Variants in GRIK2 observed in about 807,000 individuals in gnomAD.
GRIK2 encodes the protein glutamate ionotropic receptor kainate type subunit 2.
GRIK2 carries 32 observed loss-of-function variants against 100.3 expected under a neutral mutation model. The ratio of observed to expected loss-of-function variants is 0.32; its 90% CI spans 0.24 to 0.43. The LOEUF (loss-of-function observed/expected upper bound fraction) is 0.43, where lower values mean the gene tolerates loss of function less well. Ranked by LOEUF, GRIK2 falls within the 20% of genes least tolerant of loss-of-function variation. GRIK2 has a pLI of 1.00. For synonymous variants in GRIK2, 417 were observed against 389.4 expected (o/e 1.07, Z -0.83); for missense variants, 843 against 1,114.9 (o/e 0.76, Z 3.47).
chr6:102,008,588 G>A (rs1364599728), intron 14 of GRIK2, among the ~76,000 whole-genome samples: 2 of 152,050 alleles, frequency 1.3e-5, no homozygotes, highest in African/African-American at 4.8e-5. Context: ...AATTCTAGAA[G>A]GAATTTTGCC....
chr6:101,519,432 G>A lies in GRIK2; in HGVS notation c.116-102517G>A, dbSNP rs1297868231. Among the ~76,000 whole-genome samples, 6 of 151,534 alleles carry A rather than the reference G, an allele frequency of 4.0e-5. No individual in the cohort carries two copies. In the East Asian group the frequency reaches 1.2e-3, roughly 30 times the overall value. On this transcript the variant is annotated intron_variant, in intron 2 of 16. Coordinates refer to ENST00000369134, the MANE Select transcript of GRIK2 (RefSeq NM_021956.5). ...ATTTCACAAAACCAACCCATGATATGAATACTACTATTTTTCTTTTTTATT... is the reference window on the plus strand; with the variant it reads ...ATTTCACAAAACCAACCCATGATATAAATACTACTATTTTTCTTTTTTATT...
At chr6:101,665,090 T>C (rs1427072222) in intron 4 of GRIK2, among the ~76,000 whole-genome samples, 1 of 152,140 alleles carries the variant, frequency 6.6e-6, no homozygotes, top group Non-Finnish European at 1.5e-5. Context: ...TCTGCTGGAA[T>C]CACAGATACA....
chr6:101,862,732 C>G (rs2128444647), intron 11 of GRIK2, among the ~76,000 whole-genome samples: 1 of 152,096 alleles, frequency 6.6e-6, no homozygotes, highest in Admixed American at 6.6e-5. Flanking sequence ...GCTTCAAATA[C>G]ACTTGAAAAA....
At chr6:101,433,231 G>A (rs772622158) in intron 2 of GRIK2, among the ~76,000 whole-genome samples, 65 of 152,086 alleles carry the variant, frequency 4.3e-4, no homozygotes, top group Admixed American at 8.5e-4. Context: ...TAAAGTGCTC[G>A]GCATCTAGAA....
At chr6:101,653,378 T>C (rs1781902900) in intron 4 of GRIK2, among the ~76,000 whole-genome samples, 1 of 151,916 alleles carries the variant, frequency 6.6e-6, no homozygotes, top group Admixed American at 6.6e-5. Context: ...AGCCTCTGCT[T>C]ACTCCTCACC....
At chr6:101,409,342 A>G (rs1018254726) in intron 2 of GRIK2, among the ~76,000 whole-genome samples, 1 of 152,024 alleles carries the variant, frequency 6.6e-6, no homozygotes, top group Non-Finnish European at 1.5e-5. Context: ...TATACCATTT[A>G]GGTTTGGGTA....
chr6:101,995,055 A>C (rs1210631553), intron 14 of GRIK2, among the ~76,000 whole-genome samples: 1 of 151,936 alleles, frequency 6.6e-6, no homozygotes, highest in Non-Finnish European at 1.5e-5. Context: ...TTTGAAAACT[A>C]CTAAATTGTC....
At chr6:101,712,074 T>C (rs1211237722) in intron 7 of GRIK2, among the ~76,000 whole-genome samples, 1 of 151,786 alleles carries the variant, frequency 6.6e-6, no homozygotes, top group Non-Finnish European at 1.5e-5. Flanking sequence ...TTGAGTAAAT[T>C]TGCAACCAAG....
chr6:101,675,904 A>C (rs1169412021), intron 4 of GRIK2, among the ~76,000 whole-genome samples: 1 of 152,194 alleles, frequency 6.6e-6, no homozygotes, highest in Admixed American at 6.5e-5. Flanking sequence ...TTTCACTGTT[A>C]CATATACACC....
chr6:101,821,007 G>A (rs565378092), intron 10 of GRIK2, among the ~76,000 whole-genome samples: 6 of 152,060 alleles, frequency 3.9e-5, no homozygotes, highest in East Asian at 1.9e-4. Context: ...TCTCAATGTC[G>A]GAGAAAAGTG....
intron 8 of GRIK2, among the ~76,000 whole-genome samples, chr6:101,800,463 T>C (rs567640556): frequency 1.1e-4 from 17 of 152,228 alleles, no homozygotes; most frequent in African/African-American, 4.1e-4. Flanking sequence ...TAACTTAGAA[T>C]ACTTTTCATA....
intron 2 of GRIK2, among the ~76,000 whole-genome samples, chr6:101,522,853 C>A (rs2128281989): frequency 6.6e-6 from 1 of 151,670 alleles, no homozygotes; most frequent in African/African-American, 2.4e-5. Flanking sequence ...TTTTTCTCTC[C>A]ACTTTGTCCA....
chr6:101,665,588 G>A (rs189856431), intron 4 of GRIK2, among the ~76,000 whole-genome samples: 2 of 152,290 alleles, frequency 1.3e-5, no homozygotes, highest in East Asian at 3.9e-4. Context: ...CTGTCACTAA[G>A]TTCTCTATAT....
At chr6:101,987,420 G>A (rs1440523006) in intron 14 of GRIK2, among the ~76,000 whole-genome samples, 1 of 151,588 alleles carries the variant, frequency 6.6e-6, no homozygotes, top group African/African-American at 2.4e-5. Flanking sequence ...TGTTTTATTT[G>A]CAAGCATAAT....
chr6:101,583,624 A>G (rs1223835828), intron 2 of GRIK2, among the ~76,000 whole-genome samples: 4 of 152,070 alleles, frequency 2.6e-5, no homozygotes, highest in African/African-American at 4.8e-5. Flanking sequence ...AAAAAAACCT[A>G]TGATTTTTTT....
chr6:101,899,530 A>G (rs2128461031), intron 12 of GRIK2, among the ~76,000 whole-genome samples: 1 of 152,170 alleles, frequency 6.6e-6, no homozygotes. Flanking sequence ...TATATAAAGG[A>G]TGATTTTTCT....
intron 4 of GRIK2, among the ~76,000 whole-genome samples, chr6:101,627,125 G>C (rs1344379021): frequency 8.6e-6 from 1 of 115,872 alleles, no homozygotes; most frequent in Non-Finnish European, 1.9e-5. Flanking sequence ...CTCTGTGTGT[G>C]TGTGTGTGTG....
chr6:101,473,435 T>C (rs980059621), intron 2 of GRIK2, among the ~76,000 whole-genome samples: 1 of 151,854 alleles, frequency 6.6e-6, no homozygotes, highest in African/African-American at 2.4e-5. Context: ...TTCTTTATTA[T>C]TGAACAATAT....
intron 7 of GRIK2, among the ~76,000 whole-genome samples, chr6:101,705,899 CA>C (rs1325348862): frequency 6.6e-6 from 1 of 151,764 alleles, no homozygotes; most frequent in African/African-American, 2.4e-5. Flanking sequence ...AATAAAAAAA[CA>C]AATCAGCAAT....
Sources: gnomAD v4.1 joint callset for allele counts (sites outside exome capture counted in the v4.1 genomes callset) on GRCh38, gnomAD v4.1.1 for gene constraint, MANE v1.5 for transcripts, NCBI Gene and HGNC (gene_info 2026-07-23, HGNC 2026-07-21) for gene names.